INPP5A: variants seen among roughly 807,000 people sequenced by gnomAD.
INPP5A encodes the protein 43 kDa inositol polyphosphate 5-phophatase.
Under a neutral mutation model 65.2 loss-of-function variants are expected in INPP5A, and 14 were observed. That is an observed-to-expected ratio of 0.21 (90% CI 0.14 to 0.34). INPP5A has a LOEUF of 0.34. Ranked by LOEUF, INPP5A falls within the 10% of genes least tolerant of loss-of-function variation. The pLI is 1.00. For missense variants in INPP5A, 431 were observed against 545.6 expected (o/e 0.79, Z 2.09); for synonymous variants, 207 against 208.3 (o/e 0.99, Z 0.05).
intron 11 of INPP5A, among the ~76,000 whole-genome samples, chr10:132,759,861 C>G (rs140781963): frequency 6.6e-6 from 1 of 152,194 alleles, no homozygotes; most frequent in East Asian, 1.9e-4. Context: ...TGTTCTCCCT[C>G]TTCTTGTTCA....
At chr10:132,645,385 C>T (rs1312494991) in intron 2 of INPP5A, among the ~76,000 whole-genome samples, 2 of 152,184 alleles carry the variant, frequency 1.3e-5, no homozygotes, top group Non-Finnish European at 2.9e-5. Flanking sequence ...CATGCATACA[C>T]AGGCACATGT....
rs559480041 is a variant in INPP5A, at chr10:132,692,150, A to T, written c.370+1695A>T. Reference sequence around the variant, plus strand: ...CAAAAAGAAAACCTAGAAATCAGAAACAGTACCAGAAATGAAGCAGTGGCT... The same window carrying T: ...CAAAAAGAAAACCTAGAAATCAGAATCAGTACCAGAAATGAAGCAGTGGCT... On this transcript the variant is annotated intron_variant, in intron 5 of 15. Coordinates refer to ENST00000368594, the MANE Select transcript of INPP5A (RefSeq NM_005539.5). Among the ~76,000 whole-genome samples, 5 of 152,270 alleles carry T rather than the reference A, an allele frequency of 3.3e-5. No individual in the cohort carries two copies. The South Asian group carries it at 8.3e-4, about 25-fold the overall frequency.
intron 11 of INPP5A, among the ~76,000 whole-genome samples, chr10:132,757,973 C>T (rs1846658937): frequency 6.8e-6 from 1 of 146,518 alleles, no homozygotes; most frequent in Admixed American, 6.8e-5. Context: ...CCGGCCGACC[C>T]CACAGGCCAG....
rs184311047 is a variant in INPP5A at position 132,642,601 on chromosome 10, A to C, written c.118-3267A>C. Among the ~76,000 whole-genome samples, 732 of 151,536 alleles carry C rather than the reference A, an allele frequency of 4.8e-3. 5 individuals are homozygous for C. Among genetic ancestry groups the C allele is most frequent in the African/African-American group, 0.017 (695 of 41,204 alleles). On this transcript the variant is annotated intron_variant, in intron 2 of 15. Transcript: ENST00000368594. ...TCGCAGCCCCCTCTCCTCCCCTGTCACTCCGGGAGCAGGGGTCCCCTCTGT... is the reference window on the plus strand; with the variant it reads ...TCGCAGCCCCCTCTCCTCCCCTGTCCCTCCGGGAGCAGGGGTCCCCTCTGT...
intron 1 of INPP5A, among the ~76,000 whole-genome samples, chr10:132,592,696 C>T (rs932487021): frequency 3.3e-5 from 5 of 152,198 alleles, no homozygotes; most frequent in Admixed American, 6.5e-5. Flanking sequence ...CGTGAGCCAC[C>T]GTGTCCGGCC....
rs745723517 is a variant in INPP5A at position 132,698,076 on chromosome 10, G to A, written c.474+157G>A. Among the ~76,000 whole-genome samples the A allele has an allele frequency of 5.9e-5, 9 of 152,220 alleles. No homozygotes were observed. Among genetic ancestry groups the A allele is most frequent in the South Asian group, 2.1e-4 (1 of 4,836 alleles). ...TCTTCCTGGGAGTCCAGGCTTCTGT[G>A]GTTGGTCTGGGCTGTCACACGTAAG... On this transcript the variant is annotated intron_variant, in intron 6 of 15. Transcript: ENST00000368594. This position sits in a 1 kb window ranked among gnomAD's most constrained non-coding sequence, Gnocchi z 5.5.
rs2072764603 is a variant in INPP5A, at chr10:132,663,610, C to T, written c.306+13105C>T. ...ATGAGTGATTTTGGTCGACGTTCAC[C>T]TGTACTTTCTCTGCACTCTGAGCCG... On this transcript the variant is annotated intron_variant, in intron 4 of 15. Transcript: ENST00000368594. The surrounding 1 kb of genome is among the most constrained non-coding windows in gnomAD (Gnocchi z 4.5). Among the ~76,000 whole-genome samples, 1 of 152,202 alleles carries T rather than the reference C, an allele frequency of 6.6e-6. No individual in the cohort carries two copies. Among genetic ancestry groups the T allele is most frequent in the African/African-American group, 2.4e-5 (1 of 41,450 alleles).
chr10:132,600,185 C>G (rs2071757669), intron 1 of INPP5A, among the ~76,000 whole-genome samples: 1 of 152,186 alleles, frequency 6.6e-6, no homozygotes, highest in African/African-American at 2.4e-5. Flanking sequence ...TCAAATTTTC[C>G]AAGCTTTTAT....
chr10:132,762,937 C>G lies in INPP5A; in HGVS notation c.904-2836C>G, dbSNP rs533792499. ...CCAGGAGGCAGAGGTTGCAGTGAGC[C>G]GAGATCACATCACTGCACTCCAGCC... On this transcript the variant is annotated intron_variant, in intron 11 of 15. Transcript: ENST00000368594. The surrounding 1 kb of genome is among the most constrained non-coding windows in gnomAD (Gnocchi z 4.6). Among the ~76,000 whole-genome samples, 1 of 152,074 alleles carries G rather than the reference C, an allele frequency of 6.6e-6. No homozygotes were observed. The highest frequency in any genetic ancestry group is 1.5e-5 in the Non-Finnish European group (1 of 68,028).
intron 8 of INPP5A, among the ~76,000 whole-genome samples, chr10:132,724,884 C>A (rs55791349): frequency 6.7e-6 from 1 of 150,254 alleles, no homozygotes; most frequent in African/African-American, 2.5e-5. Context: ...ACGGGGAGGC[C>A]CCAGGATGAC....
At chr10:132,738,444 T>C (rs1027356238) in intron 9 of INPP5A, among the ~76,000 whole-genome samples, 2 of 152,130 alleles carry the variant, frequency 1.3e-5, no homozygotes, top group Admixed American at 1.3e-4. Context: ...GCCGTGCCAG[T>C]GGAAGGCTGG....
At position 132,634,896 on chromosome 10, in the gene INPP5A, CTGTT is replaced by C. The variant is rs570883888; in HGVS notation, c.118-10968_118-10965del. ...GTGTGCTTTCCTGTTTGCTCTCTGT[CTGTT>C]TGTGTCTTTATCCTGAAAGTGTGTC... On this transcript the variant is annotated intron_variant, in intron 2 of 15. Coordinates refer to ENST00000368594, the MANE Select transcript of INPP5A (RefSeq NM_005539.5). Among the ~76,000 whole-genome samples the C allele has an allele frequency of 5.9e-5, 9 of 152,346 alleles. No individual in the cohort carries two copies. The South Asian group carries it at 6.2e-4, about 11-fold the overall frequency.
chr10:132,710,330 G>T lies in INPP5A; in HGVS notation c.528-7G>T. On this transcript the variant is annotated splice_region_variant and splice_polypyrimidine_tract_variant and intron_variant, in intron 7 of 15. Transcript: ENST00000368594. The stretch of plus-strand genomic sequence containing the variant: ...TGGTGACGTGTCCTTTTCTCTTTTG[G>T]TTGCAGTGCCTTTGACTTGGTGAAT... The T allele has an allele frequency of 6.2e-7, 1 of 1,613,874 alleles. No homozygotes were observed. Among genetic ancestry groups the T allele is most frequent in the Non-Finnish European group, 8.5e-7 (1 of 1,179,892 alleles).
intron 1 of INPP5A, among the ~76,000 whole-genome samples, chr10:132,544,993 A>G (rs2070951184): frequency 6.6e-6 from 1 of 152,178 alleles, no homozygotes; most frequent in African/African-American, 2.4e-5. Context: ...GTAAGCACCC[A>G]GATCGACCTG....
At chr10:132,771,515 C>T (rs745904791) in intron 12 of INPP5A, among the ~76,000 whole-genome samples, 3 of 151,586 alleles carry the variant, frequency 2.0e-5, no homozygotes, top group Non-Finnish European at 4.4e-5. Context: ...GATCTCCCCT[C>T]TCAGACTGCC....
At chr10:132,610,271 C>G (rs1180707806) in intron 2 of INPP5A, among the ~76,000 whole-genome samples, 1 of 152,200 alleles carries the variant, frequency 6.6e-6, no homozygotes, top group South Asian at 2.1e-4. Context: ...TCCCCACGCT[C>G]CAGCCCCTGG....
intron 3 of INPP5A, among the ~76,000 whole-genome samples, chr10:132,647,273 A>C (rs982143174): frequency 6.6e-6 from 1 of 151,830 alleles, no homozygotes; most frequent in African/African-American, 2.4e-5. Context: ...CCACCACCAC[A>C]CCCAGCTAAT....
chr10:132,595,894 T>G (rs2071680110), intron 1 of INPP5A, among the ~76,000 whole-genome samples: 1 of 83,210 alleles, frequency 1.2e-5, no homozygotes, highest in Non-Finnish European at 3.1e-5. Context: ...AAGTAATGAG[T>G]TTTTTTTTTT....
At chr10:132,655,092 C>T (rs1401941412) in intron 4 of INPP5A, among the ~76,000 whole-genome samples, 1 of 152,226 alleles carries the variant, frequency 6.6e-6, no homozygotes, top group Non-Finnish European at 1.5e-5. Flanking sequence ...GGCAGAAGGC[C>T]CCAGGAGGTG....
Sources: allele counts gnomAD v4.1 joint callset (sites outside exome capture counted in the v4.1 genomes callset), GRCh38; gene constraint gnomAD v4.1.1; non-coding constraint Gnocchi (gnomAD v3.1); transcripts MANE v1.5; gene names NCBI Gene and HGNC (gene_info 2026-07-23, HGNC 2026-07-21).